Variants in RBPMS2 observed in about 807,000 individuals in gnomAD.
The protein encoded by RBPMS2 is RNA-binding protein with multiple splicing 2.
A neutral mutation model predicts 25.7 loss-of-function variants in RBPMS2; 14 were observed. The observed-to-expected ratio is 0.55, with a 90% confidence interval of 0.36 to 0.85. The LOEUF is 0.85. Among genes scored for constraint, RBPMS2 ranks in the 40% least tolerant of loss-of-function variants. The pLI is 0.01. For synonymous variants in RBPMS2, 127 were observed against 115.6 expected, an observed-to-expected ratio of 1.10 and a Z score of -0.63; for missense variants, 252 against 283.4, an observed-to-expected ratio of 0.89 and a Z score of 0.80.
intron 6 of RBPMS2, among the ~76,000 whole-genome samples, chr15:64,745,205 C>T (rs2083607431): frequency 6.6e-6 from 1 of 152,222 alleles, no homozygotes; most frequent in African/African-American, 2.4e-5. Context: ...CTCCAAACTA[C>T]CTATCGAACT....
At chr15:64,744,798 GTTTTTTTTTTTT>G (rs748967917) in intron 6 of RBPMS2, among the ~76,000 whole-genome samples, 20 of 46,298 alleles carry the variant, frequency 4.3e-4, no homozygotes, top group East Asian at 1.7e-3. Context: ...GGTTTGTTTT[GTTTTTTTTTTTT>G]TTTTTTTTTT....
intron 5 of RBPMS2, 60 bp from the exon 6 acceptor site, chr15:64,748,627 A>C: frequency 6.6e-7 from 1 of 1,505,310 alleles, no homozygotes; most frequent in South Asian, 1.3e-5. Context: ...CCAAACGGAG[A>C]AGGGGACCCA....
chr15:64,751,861 G>A (rs549093266), intron 1 of RBPMS2, among the ~76,000 whole-genome samples: 69 of 152,134 alleles, frequency 4.5e-4, no homozygotes, highest in Non-Finnish European at 7.4e-4. Context: ...ATCGTGCTGC[G>A]TCTGCCGGAT....
chr15:64,748,342 C>A, intron 6 of RBPMS2, 77 bp downstream of exon 6: 1 of 1,474,226 alleles, frequency 6.8e-7, no homozygotes, highest in Non-Finnish European at 9.3e-7. Flanking sequence ...CAGCAGCGGC[C>A]AAGTGGCCAG....
chr15:64,769,086 G>C (rs1385475125), intron 1 of RBPMS2, among the ~76,000 whole-genome samples: 4 of 89,974 alleles, frequency 4.4e-5, no homozygotes, highest in African/African-American at 1.4e-4. Flanking sequence ...GGGCGACAGA[G>C]CAAGACTTCG....
At chr15:64,765,160 G>A (rs1465097782) in intron 1 of RBPMS2, among the ~76,000 whole-genome samples, 1 of 146,960 alleles carries the variant, frequency 6.8e-6, no homozygotes, top group Non-Finnish European at 1.5e-5. Context: ...CCATGAGGCG[G>A]AAGTTGCAGT....
At chr15:64,742,089 C>T (rs530298712) in intron 6 of RBPMS2, among the ~76,000 whole-genome samples, 2 of 152,174 alleles carry the variant, frequency 1.3e-5, no homozygotes, top group East Asian at 1.9e-4. Context: ...CGCTCGAACC[C>T]GGGAGGCGGA....
At chr15:64,744,307 C>G (rs528098356) in intron 6 of RBPMS2, among the ~76,000 whole-genome samples, 4 of 152,118 alleles carry the variant, frequency 2.6e-5, no homozygotes, top group East Asian at 3.9e-4. Flanking sequence ...GCCTGTAATC[C>G]CAGCACTTTG....
In RBPMS2 at chr15:64,759,502, C is replaced by A. The variant is rs568183652; in HGVS notation, c.88-7864G>T. 6.5e-4 allele frequency among the ~76,000 whole-genome samples: 99 copies of A among 152,182 alleles called. 1 individual carries two copies. The South Asian group carries it at 0.019, about 29-fold the overall frequency. ...AGAAGGGGCTCTGACAAACCCATTC[C>A]CATCTACGTGTCGGTGATGTTCTTC... On this transcript the variant is annotated intron_variant, in intron 1 of 7. Coordinates refer to ENST00000300069, the MANE Select transcript of RBPMS2 (RefSeq NM_194272.3).
At chr15:64,755,642 G>A (rs1437925076) in intron 1 of RBPMS2, among the ~76,000 whole-genome samples, 4 of 152,276 alleles carry the variant, frequency 2.6e-5, no homozygotes, top group Middle Eastern at 3.4e-3. Context: ...GGGTGGGTAA[G>A]TGCTGCCATC....
chr15:64,755,542 CG>C (rs2083724889), intron 1 of RBPMS2, among the ~76,000 whole-genome samples: 1 of 152,124 alleles, frequency 6.6e-6, no homozygotes, highest in Non-Finnish European at 1.5e-5. Context: ...GCTGAGTTCA[CG>C]GAGGAGCAGG....
At chr15:64,746,697 GATTC>G (rs1444121150) in intron 6 of RBPMS2, among the ~76,000 whole-genome samples, 2 of 152,182 alleles carry the variant, frequency 1.3e-5, no homozygotes, top group Non-Finnish European at 2.9e-5. Context: ...TGCCCTCTCT[GATTC>G]ATTTGACAAA....
intron 1 of RBPMS2, 62 bp downstream of exon 1, chr15:64,775,171 G>T: frequency 4.1e-6 from 4 of 979,052 alleles, no homozygotes; most frequent in Non-Finnish European, 5.2e-6. Flanking sequence ...GGCCCCGCTC[G>T]CCCTCTCCCG....
chr15:64,742,169 C>G (rs1385665431), intron 6 of RBPMS2, among the ~76,000 whole-genome samples: 1 of 152,142 alleles, frequency 6.6e-6, no homozygotes, highest in Non-Finnish European at 1.5e-5. Context: ...CCGTCTCCAA[C>G]AAAAACAAAA....
At position 64,751,549 on chromosome 15, in the gene RBPMS2, G is replaced by A; in HGVS notation, c.165+12C>T. On this transcript the variant is annotated intron_variant, in intron 2 of 7. Transcript: ENST00000300069. ...CAGGCTCTACCCAGGGGGCGGCTGG[G>A]TCCTGACTCACCTTGAACGGCCGGA... The A allele has an allele frequency of 6.2e-7, 1 of 1,612,982 alleles. No individual in the cohort carries two copies. The highest frequency in any genetic ancestry group is 1.1e-5 in the South Asian group (1 of 91,020).
At chr15:64,764,810 C>G in intron 1 of RBPMS2, among the ~76,000 whole-genome samples, 1 of 151,146 alleles carries the variant, frequency 6.6e-6, no homozygotes. Context: ...CCCAGCTACT[C>G]AGGAGGCCGA....
intron 1 of RBPMS2, among the ~76,000 whole-genome samples, chr15:64,770,874 G>T (rs777190376): frequency 6.6e-6 from 1 of 152,028 alleles, no homozygotes; most frequent in Non-Finnish European, 1.5e-5. Context: ...GTGGTCCCAG[G>T]GCTCTGGCTG....
chr15:64,750,269 G>T, intron 3 of RBPMS2, 74 bp downstream of exon 3: 1 of 1,300,734 alleles, frequency 7.7e-7, no homozygotes. Flanking sequence ...ATTAGGGAAG[G>T]GTTAACGGGC....
chr15:64,751,015 C>A (rs1241907126), intron 2 of RBPMS2, among the ~76,000 whole-genome samples: 1 of 150,790 alleles, frequency 6.6e-6, no homozygotes, highest in Non-Finnish European at 1.5e-5. Context: ...GCCTGGGCAA[C>A]TGAGTGAGAC....
Sources: gnomAD v4.1 joint callset for allele counts (sites outside exome capture counted in the v4.1 genomes callset) on GRCh38, gnomAD v4.1.1 for gene constraint, MANE v1.5 for transcripts, NCBI Gene and HGNC (gene_info 2026-07-23, HGNC 2026-07-21) for gene names.